LHFPL2: variants seen among roughly 807,000 people sequenced by gnomAD.
LHFPL2 encodes LHFPL tetraspan subfamily member 2, also known as LHFPL tetraspan subfamily member 2 protein.
LHFPL2 carries 7 observed loss-of-function variants against 17.5 expected under a neutral mutation model. That is an observed-to-expected ratio of 0.40 (90% confidence interval 0.23 to 0.75). The LOEUF is 0.75. Ranked by LOEUF, LHFPL2 falls within the 30% of genes least tolerant of loss-of-function variation. The probability of loss-of-function intolerance (pLI) is 0.37; values close to 1 mark genes in which losing one functional copy is unlikely to be tolerated. For missense variants in LHFPL2, 241 were observed against 294.8 expected, an observed-to-expected ratio of 0.82 and a Z score of 1.34; for synonymous variants, 134 against 116.2, an observed-to-expected ratio of 1.15 and a Z score of -0.99.
intron 2 of LHFPL2, among the ~76,000 whole-genome samples, chr5:78,587,229 C>T (rs1050860376): frequency 6.7e-5 from 9 of 133,986 alleles, no homozygotes; most frequent in Admixed American, 1.5e-4. Context: ...AAAGTTGGTC[C>T]CAAAGACTCA....
In LHFPL2 at chr5:78,506,594, C is replaced by T. The variant is rs1754938990; in HGVS notation, c.430+3190G>A. On this transcript the variant is annotated intron_variant, in intron 4 of 4. Transcript: ENST00000380345. Reference sequence around the variant, plus strand: ...CTTTCAGATGCCAGTATGGCAATGTCCTCAGCCACAGATTCAAGAACCACA... The same window carrying T: ...CTTTCAGATGCCAGTATGGCAATGTTCTCAGCCACAGATTCAAGAACCACA... Among the ~76,000 whole-genome samples the T allele has an allele frequency of 2.6e-5, 4 of 152,210 alleles. No homozygotes were observed. In the South Asian group the frequency reaches 8.3e-4, roughly 31 times the overall value.
intron 2 of LHFPL2, among the ~76,000 whole-genome samples, chr5:78,609,930 C>T (rs1239307527): frequency 6.6e-6 from 1 of 152,116 alleles, no homozygotes; most frequent in Non-Finnish European, 1.5e-5. Flanking sequence ...ACATCAGAAG[C>T]TCCGAATGGA....
intron 2 of LHFPL2, among the ~76,000 whole-genome samples, chr5:78,613,445 C>T (rs976899523): frequency 6.6e-6 from 1 of 152,294 alleles, no homozygotes; most frequent in South Asian, 2.1e-4. Context: ...ATTATTAACA[C>T]AAGTCACTTT....
At chr5:78,489,262 C>CAGAATAGA in intron 4 of LHFPL2, 109 bp from the exon 5 acceptor site, 2 of 1,221,974 alleles carry the variant, frequency 1.6e-6, no homozygotes, top group Non-Finnish European at 2.3e-6. Flanking sequence ...GGCATCTATT[C>CAGAATAGA]TGCAATAGAA....
chr5:78,620,288 G>T (rs1744801871), intron 2 of LHFPL2, among the ~76,000 whole-genome samples: 4 of 151,786 alleles, frequency 2.6e-5, no homozygotes, highest in African/African-American at 9.7e-5. Context: ...GTGTTTTTTG[G>T]CTGCATAAAT....
chr5:78,580,356 C>A (rs1277597471), intron 2 of LHFPL2, among the ~76,000 whole-genome samples: 2 of 152,064 alleles, frequency 1.3e-5, no homozygotes, highest in Admixed American at 6.6e-5. Flanking sequence ...TTAATTAGAT[C>A]CCATTTGTCA....
intron 3 of LHFPL2, among the ~76,000 whole-genome samples, chr5:78,514,877 G>A (rs913079554): frequency 3.0e-4 from 46 of 152,160 alleles, no homozygotes; most frequent in African/African-American, 1.1e-3. Context: ...GGCAAGAACA[G>A]ACAATGATCA....
intron 3 of LHFPL2, among the ~76,000 whole-genome samples, chr5:78,543,978 T>C (rs1471951531): frequency 2.0e-5 from 3 of 152,308 alleles, no homozygotes; most frequent in Non-Finnish European, 4.4e-5. Context: ...CTACCTCCAG[T>C]GGCAGATATG....
chr5:78,563,132 T>C (rs150728218), intron 3 of LHFPL2, among the ~76,000 whole-genome samples: 1 of 152,306 alleles, frequency 6.6e-6, no homozygotes, highest in East Asian at 1.9e-4. Flanking sequence ...ATATCTACAG[T>C]TGTAGAACTC....
At chr5:78,519,516 T>C (rs904010490) in intron 3 of LHFPL2, among the ~76,000 whole-genome samples, 3 of 152,148 alleles carry the variant, frequency 2.0e-5, no homozygotes, top group African/African-American at 7.2e-5. Flanking sequence ...AAAGGCACCA[T>C]GTAAGAATGA....
chr5:78,525,978 G>T (rs1679427580), intron 3 of LHFPL2, among the ~76,000 whole-genome samples: 2 of 152,168 alleles, frequency 1.3e-5, no homozygotes, highest in Non-Finnish European at 2.9e-5. Context: ...TCCTATCTGA[G>T]CCTGCTGAAG....
chr5:78,503,700 A>AAAAC (rs34477429), intron 4 of LHFPL2, among the ~76,000 whole-genome samples: 56,804 of 151,674 alleles, frequency 0.37, 12,627 homozygotes, highest in Non-Finnish European at 0.5. Context: ...CTCCATCTCA[A>AAAAC]AAACAAACAA....
chr5:78,623,589 G>T (rs1744934337), intron 2 of LHFPL2, among the ~76,000 whole-genome samples: 1 of 152,214 alleles, frequency 6.6e-6, no homozygotes. Context: ...TAAAGAGTGT[G>T]CATTCTAAAA....
At chr5:78,533,478 G>A (rs1303831217) in intron 3 of LHFPL2, among the ~76,000 whole-genome samples, 2 of 152,176 alleles carry the variant, frequency 1.3e-5, no homozygotes, top group Non-Finnish European at 2.9e-5. Context: ...GTAGGGGATG[G>A]GCGGTGTAGG....
chr5:78,625,825 C>T (rs1458977376), intron 2 of LHFPL2: 1 of 152,184 alleles, frequency 6.6e-6, no homozygotes, highest in Admixed American at 6.6e-5. Flanking sequence ...GGGGCTTTAG[C>T]CAAGTTATTC....
At chr5:78,530,635 T>C (rs908969151) in intron 3 of LHFPL2, among the ~76,000 whole-genome samples, 2 of 152,234 alleles carry the variant, frequency 1.3e-5, no homozygotes, top group Admixed American at 1.3e-4. Context: ...ACTCTGTACC[T>C]ATTGGGTCAG....
At chr5:78,646,847 C>G (rs1433019377) in intron 1 of LHFPL2, among the ~76,000 whole-genome samples, 1 of 152,172 alleles carries the variant, frequency 6.6e-6, no homozygotes, top group African/African-American at 2.4e-5. Flanking sequence ...AGACAAATGA[C>G]TGGTTCACAT....
chr5:78,594,901 T>C (rs1319277604), intron 2 of LHFPL2, among the ~76,000 whole-genome samples: 2 of 152,224 alleles, frequency 1.3e-5, no homozygotes, highest in African/African-American at 4.8e-5. Context: ...ACATCTCAAC[T>C]TCAGAGAGAA....
At chr5:78,549,868 G>A (rs1338092884) in intron 3 of LHFPL2, among the ~76,000 whole-genome samples, 1 of 152,118 alleles carries the variant, frequency 6.6e-6, no homozygotes, top group Non-Finnish European at 1.5e-5. Flanking sequence ...TGACTCTAAA[G>A]GTCACCACAG....
Sources: allele counts gnomAD v4.1 joint callset (sites outside exome capture counted in the v4.1 genomes callset), GRCh38; gene constraint gnomAD v4.1.1; transcripts MANE v1.5; gene names NCBI Gene and HGNC (gene_info 2026-07-23, HGNC 2026-07-21).